Variants in APCDD1 observed in about 807,000 individuals in gnomAD.
The protein encoded by APCDD1 is APC down-regulated 1.
A neutral mutation model predicts 38.1 loss-of-function variants in APCDD1; 15 were observed. That is an observed-to-expected ratio of 0.39 (90% confidence interval 0.26 to 0.61). The LOEUF is 0.61. Among genes scored for constraint, APCDD1 ranks in the 20% least tolerant of loss-of-function variants. The probability of loss-of-function intolerance (pLI) is 0.49; values close to 1 mark genes in which losing one functional copy is unlikely to be tolerated. For synonymous variants in APCDD1, 261 were observed against 279.7 expected (o/e 0.93, Z 0.67); for missense variants, 647 against 696.2 (o/e 0.93, Z 0.79).
In APCDD1 at chr18:10,469,215, AT is replaced by A. The variant is rs932691643; in HGVS notation, c.242+573del. ...AAAATAGCCGAGAGGCAGATCTGCG[AT>A]TTTTTTTTTCTACCCATTAGATTGC... On this transcript the variant is annotated intron_variant, in intron 2 of 4. Coordinates refer to ENST00000355285, the MANE Select transcript of APCDD1 (RefSeq NM_153000.5). The surrounding 1 kb of genome is among the most constrained non-coding windows in gnomAD (Gnocchi z 5.5). Among the ~76,000 whole-genome samples, 29 of 150,340 alleles carry A rather than the reference AT, an allele frequency of 1.9e-4. No homozygotes were observed. Among genetic ancestry groups the A allele is most frequent in the Middle Eastern group, 3.5e-3 (1 of 286 alleles).
chr18:10,465,308 G>A (rs1365630848), intron 1 of APCDD1, among the ~76,000 whole-genome samples: 1 of 152,110 alleles, frequency 6.6e-6, no homozygotes, highest in Non-Finnish European at 1.5e-5. Flanking sequence ...TCACCTTTAT[G>A]TCCATCCTTG....
At chr18:10,480,167 C>T (rs2031101264) in intron 3 of APCDD1, among the ~76,000 whole-genome samples, 1 of 152,104 alleles carries the variant, frequency 6.6e-6, no homozygotes, top group Admixed American at 6.5e-5. Context: ...TGGGAGAGGA[C>T]ACTTCTCAAA....
intron 3 of APCDD1, among the ~76,000 whole-genome samples, chr18:10,480,329 G>A (rs1248151400): frequency 1.3e-5 from 2 of 152,072 alleles, no homozygotes; most frequent in Admixed American, 6.5e-5. Context: ...TACTGTTTCC[G>A]AAAAACATCT....
intron 1 of APCDD1, among the ~76,000 whole-genome samples, chr18:10,455,345 T>C (rs1286913333): frequency 6.6e-6 from 1 of 152,234 alleles, no homozygotes; most frequent in Non-Finnish European, 1.5e-5. Flanking sequence ...TTGCATCCAG[T>C]CCGAGGGAAA....
intron 3 of APCDD1, among the ~76,000 whole-genome samples, chr18:10,482,118 G>A (rs2031155351): frequency 6.6e-6 from 1 of 152,128 alleles, no homozygotes; most frequent in African/African-American, 2.4e-5. Flanking sequence ...TCTCTTGCAA[G>A]AACTAACGTC....
chr18:10,488,329 A>C lies in APCDD1; in HGVS notation c.*291A>C. ...CGAGCGTGTTTGGTAGCAGGGATGA[A>C]AGCTAGGGCCTCTTATTTTTTTCTC... is the stretch of plus-strand genomic sequence containing the variant. On this transcript the variant is annotated 3_prime_UTR_variant, in exon 5 of 5. Transcript: ENST00000355285. 1 of 349,018 alleles carries C rather than the reference A, an allele frequency of 2.9e-6. No homozygotes were observed. The highest frequency in any genetic ancestry group is 5.1e-6 in the Non-Finnish European group (1 of 196,278). The allele number at this position is 349,018 out of a possible 1,614,324, so 21.6% of individuals were successfully genotyped here.
rs555461331 is a variant in APCDD1, at chr18:10,469,258, T to G, written c.242+606T>G. On this transcript the variant is annotated intron_variant, in intron 2 of 4. Coordinates refer to ENST00000355285, the MANE Select transcript of APCDD1 (RefSeq NM_153000.5). This position sits in a 1 kb window ranked among gnomAD's most constrained non-coding sequence, Gnocchi z 5.5. ...TTAGATTGCTGAGAATTAACAAGAC[T>G]AACTCTGGGATCTGATCACTTCTCC... Among the ~76,000 whole-genome samples, 3 of 152,240 alleles carry G rather than the reference T, an allele frequency of 2.0e-5. No individual in the cohort carries two copies. The highest frequency in any genetic ancestry group is 4.4e-5 in the Non-Finnish European group (3 of 68,010).
intron 1 of APCDD1, 48 bp downstream of exon 1, chr18:10,455,087 C>A (rs760797211): frequency 6.5e-7 from 1 of 1,545,092 alleles, no homozygotes; most frequent in East Asian, 2.5e-5. Flanking sequence ...CGGAGGCAGC[C>A]CGGGCGCCGC....
intron 3 of APCDD1, among the ~76,000 whole-genome samples, chr18:10,480,195 A>G (rs1330045678): frequency 6.6e-6 from 1 of 152,182 alleles, no homozygotes; most frequent in African/African-American, 2.4e-5. Context: ...CATGTCTTGG[A>G]ACATGGATCC....
At chr18:10,456,297 G>T (rs1040137383) in intron 1 of APCDD1, among the ~76,000 whole-genome samples, 5 of 152,104 alleles carry the variant, frequency 3.3e-5, no homozygotes, top group African/African-American at 1.2e-4. Flanking sequence ...AAAGAGAGAA[G>T]GTATAATTAT....
intron 3 of APCDD1, among the ~76,000 whole-genome samples, chr18:10,479,532 C>T (rs1361475697): frequency 6.6e-6 from 1 of 152,168 alleles, no homozygotes; most frequent in Non-Finnish European, 1.5e-5. Flanking sequence ...AGTCATCAGC[C>T]GGAGAAGACC....
intron 1 of APCDD1, among the ~76,000 whole-genome samples, chr18:10,460,579 A>G (rs139928976): frequency 6.2e-4 from 95 of 152,252 alleles, no homozygotes; most frequent in African/African-American, 2.2e-3. Flanking sequence ...ACTTTATTGA[A>G]AAATCAAGGA....
chr18:10,468,747 T>G (rs1184132080), intron 2 of APCDD1, 95 bp downstream of exon 2: 1 of 1,298,694 alleles, frequency 7.7e-7, no homozygotes, highest in African/African-American at 1.5e-5. Context: ...TTTATATCAT[T>G]TACAATGATT....
Position 10,469,837 on chromosome 18 carries a change from A to G in APCDD1, c.242+1185A>G, listed in dbSNP as rs1473835164. Among the ~76,000 whole-genome samples the G allele has an allele frequency of 6.6e-6, 1 of 152,144 alleles. No homozygotes were observed. Among genetic ancestry groups the G allele is most frequent in the Non-Finnish European group, 1.5e-5 (1 of 68,016 alleles). On this transcript the variant is annotated intron_variant, in intron 2 of 4. Transcript: ENST00000355285. The surrounding 1 kb of genome is among the most constrained non-coding windows in gnomAD (Gnocchi z 5.5). The stretch of plus-strand genomic sequence containing the variant: ...GTGAGCAAGAGGCTGGCTAGATTGG[A>G]GGACCTGCTGGCTGAGAACCCTGTG...
chr18:10,478,245 G>A (rs2031052691), intron 3 of APCDD1, among the ~76,000 whole-genome samples: 2 of 152,334 alleles, frequency 1.3e-5, no homozygotes, highest in South Asian at 4.1e-4. Flanking sequence ...GCCCGAGGTG[G>A]CTGTGCAGCC....
In APCDD1 at chr18:10,470,565, T is replaced by A. The variant is rs1035080014; in HGVS notation, c.243-965T>A. 2.3e-4 allele frequency among the ~76,000 whole-genome samples: 35 copies of A among 152,216 alleles called. No homozygotes were observed. Among genetic ancestry groups the A allele is most frequent in the African/African-American group, 7.5e-4 (31 of 41,454 alleles). On this transcript the variant is annotated intron_variant, in intron 2 of 4. Transcript: ENST00000355285. The surrounding 1 kb of genome is among the most constrained non-coding windows in gnomAD (Gnocchi z 4.1). ...GCTTGATTTAGCAGCGCTTCGTCAG[T>A]TCAAACCAGAATCTGTGTTAGCATC...
chr18:10,460,271 A>G (rs759211698), intron 1 of APCDD1, among the ~76,000 whole-genome samples: 2 of 152,216 alleles, frequency 1.3e-5, no homozygotes, highest in Non-Finnish European at 2.9e-5. Flanking sequence ...ATCCCAGGCC[A>G]AGGGCCTCCT....
chr18:10,459,316 GCACACACA>G (rs56849201), intron 1 of APCDD1, among the ~76,000 whole-genome samples: 2 of 150,146 alleles, frequency 1.3e-5, no homozygotes, highest in African/African-American at 2.5e-5. Flanking sequence ...CCACAAGCGT[GCACACACA>G]CACACACACA....
At chr18:10,486,629 G>A (rs916095126) in intron 4 of APCDD1, among the ~76,000 whole-genome samples, 3 of 152,152 alleles carry the variant, frequency 2.0e-5, no homozygotes, top group Non-Finnish European at 2.9e-5. Flanking sequence ...AACGAGGAGG[G>A]GAGGAAGGAG....
Sources: allele counts gnomAD v4.1 joint callset (sites outside exome capture counted in the v4.1 genomes callset), GRCh38; gene constraint gnomAD v4.1.1; non-coding constraint Gnocchi (gnomAD v3.1); transcripts MANE v1.5; gene names NCBI Gene and HGNC (gene_info 2026-07-23, HGNC 2026-07-21).